Variants in MAPK10 observed in about 807,000 individuals in gnomAD.
MAPK10 encodes the protein JNK3 alpha protein kinase.
In MAPK10, 25 loss-of-function variants were observed where a neutral mutation model predicts 59.3. The observed-to-expected ratio is 0.42, with a 90% CI of 0.31 to 0.59. The LOEUF (loss-of-function observed/expected upper bound fraction) is 0.59, where lower values mean the gene tolerates loss of function less well. Ranked by LOEUF, MAPK10 falls within the 20% of genes least tolerant of loss-of-function variation. The probability of loss-of-function intolerance (pLI) is 0.15; values close to 1 mark genes in which losing one functional copy is unlikely to be tolerated. For missense variants in MAPK10, 351 were observed against 568.9 expected (o/e 0.62, Z 3.90); for synonymous variants, 190 against 200.5 (o/e 0.95, Z 0.44).
chr4:86,433,378 AGGTT>A (rs886949277), intron 1 of MAPK10, among the ~76,000 whole-genome samples: 12 of 152,060 alleles, frequency 7.9e-5, no homozygotes, highest in African/African-American at 2.9e-4. Flanking sequence ...AAAATACAAA[AGGTT>A]GGACTCCTTT....
At chr4:86,427,311 C>G (rs1579179320) in intron 1 of MAPK10, among the ~76,000 whole-genome samples, 2 of 151,664 alleles carry the variant, frequency 1.3e-5, no homozygotes, top group African/African-American at 4.8e-5. Flanking sequence ...AATATGGTTT[C>G]CAAGTCAATG....
chr4:86,566,278 C>T (rs1761053838), intron 1 of MAPK10, among the ~76,000 whole-genome samples: 2 of 152,104 alleles, frequency 1.3e-5, no homozygotes, highest in Admixed American at 1.3e-4. Flanking sequence ...AATACTACCC[C>T]TGATAATAAT....
intron 1 of MAPK10, chr4:86,542,639 G>A (rs966946253): frequency 6.5e-5 from 10 of 154,306 alleles, no homozygotes; most frequent in African/African-American, 2.4e-4. Context: ...TGATAATACA[G>A]AGTTCACTGA....
At chr4:86,455,918 C>G (rs1751186584), upstream of MAPK10, among the ~76,000 whole-genome samples, 1 of 152,100 alleles carries the variant, frequency 6.6e-6, no homozygotes, top group South Asian at 2.1e-4. Flanking sequence ...ACAAAATGAG[C>G]CTCAATAAAT....
intron 1 of MAPK10, among the ~76,000 whole-genome samples, chr4:86,441,703 A>G (rs1432429054): frequency 6.6e-6 from 1 of 152,176 alleles, no homozygotes; most frequent in Non-Finnish European, 1.5e-5. Flanking sequence ...TGATTTAAAA[A>G]ACATGGACTA....
chr4:86,064,487 A>G (rs1332658729), intron 10 of MAPK10, 97 bp from the exon 11 acceptor site: 22 of 1,163,150 alleles, frequency 1.9e-5, no homozygotes, highest in Non-Finnish European at 1.6e-5. Context: ...ATGGAATAGT[A>G]TCTTCCTTCC....
rs556902432 is a variant in MAPK10, at chr4:86,567,394, A to G, written c.-263+26516T>C. Among the ~76,000 whole-genome samples the G allele has an allele frequency of 2.9e-4, 44 of 152,184 alleles. No homozygotes were observed. In the South Asian group the frequency reaches 4.8e-3, roughly 17 times the overall value. The stretch of plus-strand genomic sequence containing the variant: ...CACCACCACGCTTGGCTAATTTTGT[A>G]TTGTTAGTAGAGACAGGGTTTCACC... On this transcript the variant is annotated intron_variant, in intron 1 of 4. Coordinates refer to the MAPK10 transcript ENST00000502302.
intron 1 of MAPK10, among the ~76,000 whole-genome samples, chr4:86,400,727 C>T (rs1743594746): frequency 6.6e-6 from 1 of 152,018 alleles, no homozygotes; most frequent in South Asian, 2.1e-4. Flanking sequence ...AAGAAGGGTT[C>T]AATATTGGTT....
At chr4:86,171,860 T>G (rs1199643091) in intron 3 of MAPK10, among the ~76,000 whole-genome samples, 24 of 150,330 alleles carry the variant, frequency 1.6e-4, no homozygotes, top group African/African-American at 5.0e-4. Context: ...GAATCTACAA[T>G]GAACTCAAAC....
chr4:86,040,902 G>T (rs1356275699), intron 11 of MAPK10: 2 of 152,138 alleles, frequency 1.3e-5, no homozygotes, highest in Non-Finnish European at 2.9e-5. Context: ...GAAAAGGAGA[G>T]ATAAAGTCTT....
chr4:86,144,609 T>A (rs2064419717), intron 4 of MAPK10, among the ~76,000 whole-genome samples: 1 of 152,170 alleles, frequency 6.6e-6, no homozygotes, highest in East Asian at 1.9e-4. Context: ...CTCCCTCTCT[T>A]TCCTTCTCTC....
At chr4:86,448,576 T>C (rs1220553025) in intron 1 of MAPK10, among the ~76,000 whole-genome samples, 2 of 152,058 alleles carry the variant, frequency 1.3e-5, no homozygotes, top group African/African-American at 4.8e-5. Context: ...GTTAACTTTA[T>C]TCCTAGGTAT....
At chr4:86,313,844 C>T (rs1458850191) in intron 2 of MAPK10, among the ~76,000 whole-genome samples, 1 of 152,104 alleles carries the variant, frequency 6.6e-6, no homozygotes, top group African/African-American at 2.4e-5. Flanking sequence ...TGATCTAGCA[C>T]TTCCACCCCA....
At position 86,017,268 on chromosome 4, in the gene MAPK10, C is replaced by T. The variant is rs1232422886; in HGVS notation, c.1355G>A (p.Ser452Asn). The T allele has an allele frequency of 6.2e-7, 1 of 1,614,028 alleles. No individual in the cohort carries two copies. The change falls in exon 14 of 14, where the codon AGC (serine) becomes AAC (asparagine). Residue 452 changes from serine to asparagine, a missense_variant. Physicochemically the swap from Ser to Asn is conservative, Grantham distance 46. Transcript: ENST00000641462. This position sits in a 1 kb window ranked among gnomAD's most constrained non-coding sequence, Gnocchi z 4.4. The stretch of plus-strand genomic sequence containing the variant: ...CAGGGGTCCTGCCGAGGCTTCCAGG[C>T]TGCTGTCAGTGTCAGATGCCAGGGT... ...DQTLASDTDS[S>N]LEASAGPLGC... is the part of the protein sequence containing the mutation.
At chr4:86,540,104 T>A (rs1004836973) in intron 1 of MAPK10, among the ~76,000 whole-genome samples, 1 of 152,228 alleles carries the variant, frequency 6.6e-6, no homozygotes, top group Non-Finnish European at 1.5e-5. Context: ...ATTGGGTCAA[T>A]CAGAGCCATT....
rs1049446733 is a variant in MAPK10, at chr4:86,357,010, T to C, written c.-121-2366A>G. 64 of 152,174 alleles carry C rather than the reference T, an allele frequency of 4.2e-4. 1 individual carries two copies. 9.4% of individuals were successfully genotyped at this position (152,174 alleles called of 1,614,324 possible). On this transcript the variant is annotated intron_variant, in intron 1 of 13. Transcript: ENST00000641462. The stretch of plus-strand genomic sequence containing the variant: ...ACTACTGGACACTTCCGTGCCTCTT[T>C]CTGCATGATTGTTGCAATGTCCAAC...
chr4:86,512,898 G>A (rs1230973847), intron 1 of MAPK10, among the ~76,000 whole-genome samples: 8 of 152,138 alleles, frequency 5.3e-5, no homozygotes, highest in Admixed American at 5.2e-4. Flanking sequence ...TCATTCCTCA[G>A]ACAGCTTTTC....
chr4:86,397,608 C>T (rs536715181), intron 1 of MAPK10, among the ~76,000 whole-genome samples: 41 of 152,096 alleles, frequency 2.7e-4, no homozygotes, highest in Admixed American at 1.0e-3. Flanking sequence ...CCTGGGCTTC[C>T]GGGTGTGAGA....
In MAPK10 at chr4:86,523,072, T is replaced by A. The variant is rs144403410; in HGVS notation, c.-263+70838A>T. 6.3e-3 allele frequency among the ~76,000 whole-genome samples: 966 copies of A among 152,322 alleles called. 8 individuals carry two copies. Among genetic ancestry groups the A allele is most frequent in the South Asian group, 0.026 (124 of 4,824 alleles). The stretch of plus-strand genomic sequence containing the variant: ...ACATCTAAAGACTCATGGGAAATAA[T>A]TAATTTCTAATTTTTCATATCATTC... On this transcript the variant is annotated intron_variant, in intron 1 of 4. Coordinates refer to the MAPK10 transcript ENST00000502302.
Sources: gnomAD v4.1 joint callset for allele counts (sites outside exome capture counted in the v4.1 genomes callset) on GRCh38, gnomAD v4.1.1 for gene constraint, Gnocchi (gnomAD v3.1) non-coding constraint, MANE v1.5 for transcripts, NCBI Gene and HGNC (gene_info 2026-07-23, HGNC 2026-07-21) for gene names.